The following TENM4 variants were observed in gnomAD, a reference collection of about 807,000 sequenced individuals.
TENM4 encodes the protein teneurin-4.
In TENM4, 82 loss-of-function variants were observed where a neutral mutation model predicts 243.3. The ratio of observed to expected loss-of-function variants is 0.34; its 90% CI spans 0.28 to 0.40. The LOEUF is 0.40. Ranked by LOEUF, TENM4 falls within the 10% of genes least tolerant of loss-of-function variation. The pLI, the probability that TENM4 is intolerant of heterozygous loss-of-function variation, is 1.00. For synonymous variants in TENM4, 1,412 were observed against 1,456.3 expected (o/e 0.97, Z 0.69); for missense variants, 3,138 against 3,673.3 (o/e 0.85, Z 3.77).
At chr11:78,911,912 T>C (rs1856194373) in intron 6 of TENM4, among the ~76,000 whole-genome samples, 1 of 152,228 alleles carries the variant, frequency 6.6e-6, no homozygotes, top group Non-Finnish European at 1.5e-5. Context: ...GCTTCCGCTC[T>C]GAGTCTCAGG....
chr11:79,427,939 TACA>T (rs1024547869), intron 1 of TENM4, among the ~76,000 whole-genome samples: 1 of 152,306 alleles, frequency 6.6e-6, no homozygotes, highest in East Asian at 1.9e-4. Flanking sequence ...CCACTGAGGC[TACA>T]ACAATACTGA....
At chr11:78,978,076 T>C (rs9630228) in intron 6 of TENM4, among the ~76,000 whole-genome samples, 4,945 of 151,984 alleles carry the variant, frequency 0.033, 233 homozygotes, top group African/African-American at 0.1. Flanking sequence ...AAGCTGGAAA[T>C]CGTCTTTCTC....
intron 3 of TENM4, among the ~76,000 whole-genome samples, chr11:79,151,793 C>T (rs1276723650): frequency 6.6e-6 from 1 of 152,106 alleles, no homozygotes; most frequent in Non-Finnish European, 1.5e-5. Flanking sequence ...TCTGCTGGCA[C>T]TTGGTATTTA....
chr11:78,850,398 C>T (rs1449449661), intron 12 of TENM4, among the ~76,000 whole-genome samples: 1 of 152,100 alleles, frequency 6.6e-6, no homozygotes, highest in Non-Finnish European at 1.5e-5. Context: ...GGGTCAGATT[C>T]CAATTTGTGT....
intron 21 of TENM4, among the ~76,000 whole-genome samples, chr11:78,731,314 GAATCTC>G (rs1373540836): frequency 6.6e-6 from 1 of 152,204 alleles, no homozygotes; most frequent in Admixed American, 6.5e-5. Flanking sequence ...GACAGGCGCT[GAATCTC>G]TGAAAAGGAG....
At chr11:79,014,421 G>C (rs187725910) in intron 6 of TENM4, 95 of 152,266 alleles carry the variant, frequency 6.2e-4, no homozygotes, top group African/African-American at 2.2e-3. Flanking sequence ...TCTAATTAAG[G>C]CTCACAATGA....
chr11:78,961,801 G>A (rs1467608346), intron 6 of TENM4, among the ~76,000 whole-genome samples: 1 of 145,390 alleles, frequency 6.9e-6, no homozygotes, highest in Non-Finnish European at 1.5e-5. Context: ...TTTTTTTTCT[G>A]TCTGTGTCAA....
At chr11:78,832,482 A>T (rs931672302) in intron 12 of TENM4, among the ~76,000 whole-genome samples, 2 of 152,234 alleles carry the variant, frequency 1.3e-5, no homozygotes, top group African/African-American at 2.4e-5. Flanking sequence ...TTGTAAATGG[A>T]TTTGCTTTTG....
chr11:79,372,690 G>T (rs1250878732), intron 1 of TENM4, among the ~76,000 whole-genome samples: 1 of 152,190 alleles, frequency 6.6e-6, no homozygotes, highest in Non-Finnish European at 1.5e-5. Flanking sequence ...CTGTGAAATG[G>T]GAGGGGAGGG....
chr11:79,400,379 A>G lies in TENM4; in HGVS notation c.-321+40130T>C, dbSNP rs576452845. ...CAGACAATGCACATACCTGGAACAA[A>G]TTGCCTACAACTTCAGGAGTGTCAC... On this transcript the variant is annotated intron_variant, in intron 1 of 33. Coordinates refer to ENST00000278550, the MANE Select transcript of TENM4 (RefSeq NM_001098816.3). Among the ~76,000 whole-genome samples, 93 of 151,920 alleles carry G rather than the reference A, an allele frequency of 6.1e-4. 2 individuals are homozygous for G. The highest frequency in any genetic ancestry group is 2.2e-3 in the African/African-American group (90 of 41,416).
At chr11:78,747,294 A>G (rs954980370) in intron 19 of TENM4, among the ~76,000 whole-genome samples, 2 of 152,276 alleles carry the variant, frequency 1.3e-5, no homozygotes, top group African/African-American at 4.8e-5. Context: ...CTGTCAAAAG[A>G]GGGCAAGGTT....
chr11:78,738,327 T>C, intron 20 of TENM4, 124 bp downstream of exon 20: 1 of 1,342,116 alleles, frequency 7.5e-7, no homozygotes, highest in South Asian at 1.5e-5. Flanking sequence ...AGCTGGGCAT[T>C]TGAATTCAGG....
chr11:79,105,564 G>T (rs922069396), intron 4 of TENM4, among the ~76,000 whole-genome samples: 2 of 152,202 alleles, frequency 1.3e-5, no homozygotes, highest in African/African-American at 2.4e-5. Flanking sequence ...ATGCTGGGAA[G>T]GTTGGCTGAG....
At chr11:79,415,019 A>C (rs1858782982) in intron 1 of TENM4, among the ~76,000 whole-genome samples, 2 of 152,176 alleles carry the variant, frequency 1.3e-5, no homozygotes, top group South Asian at 4.1e-4. Flanking sequence ...TGGGGCCAGG[A>C]GGCCGGTTCC....
At position 79,065,078 on chromosome 11, in the gene TENM4, T is replaced by C. The variant is rs930072580; in HGVS notation, c.224-71A>G. The C allele has an allele frequency of 5.5e-5, 78 of 1,427,524 alleles. No homozygotes were observed. In the African/African-American group the frequency reaches 1.0e-3, roughly 18 times the overall value. The allele number at this position is 1,427,524 out of a possible 1,614,324, so 88.4% of individuals were successfully genotyped here. ...TCTGCGTCTGCCTCTGCCTGAAGCC[T>C]GGCCTTCTTACCCCAGGGCTCACTG... On this transcript the variant is annotated intron_variant, in intron 5 of 33. Transcript: ENST00000278550.
chr11:78,718,233 C>A (rs1374451024), intron 25 of TENM4, among the ~76,000 whole-genome samples: 2 of 152,170 alleles, frequency 1.3e-5, no homozygotes, highest in Non-Finnish European at 2.9e-5. Flanking sequence ...CAGAGCTGAA[C>A]CCAGGCTCTC....
intron 1 of TENM4, among the ~76,000 whole-genome samples, chr11:79,345,119 G>T (rs1857305107): frequency 6.6e-6 from 1 of 152,154 alleles, no homozygotes. Context: ...AGCGGATGCT[G>T]GTAATGTGTA....
chr11:79,000,500 A>G (rs780594108), intron 6 of TENM4, among the ~76,000 whole-genome samples: 1 of 152,128 alleles, frequency 6.6e-6, no homozygotes, highest in Non-Finnish European at 1.5e-5. Context: ...AGAAGAAAGG[A>G]ATACAGTCAT....
chr11:78,834,841 C>A (rs191262597), intron 12 of TENM4, among the ~76,000 whole-genome samples: 95 of 152,266 alleles, frequency 6.2e-4, no homozygotes, highest in African/African-American at 2.3e-3. Flanking sequence ...GCTGCTTCCA[C>A]GTCACATAGA....
Sources: gnomAD v4.1 joint callset for allele counts (sites outside exome capture counted in the v4.1 genomes callset) on GRCh38, gnomAD v4.1.1 for gene constraint, MANE v1.5 for transcripts, NCBI Gene and HGNC (gene_info 2026-07-23, HGNC 2026-07-21) for gene names.